The following MAP1LC3C variants were observed in gnomAD, a reference collection of about 807,000 sequenced individuals.
MAP1LC3C encodes the protein microtubule associated protein 1 light chain 3 gamma.
A neutral mutation model predicts 10.4 loss-of-function variants in MAP1LC3C; 12 were observed. The observed-to-expected ratio is 1.15, with a 90% CI of 0.74 to 1.86. The LOEUF is 1.86. Among genes scored for constraint, MAP1LC3C ranks in the 40% most tolerant of loss-of-function variants. The pLI, the probability that MAP1LC3C is intolerant of heterozygous loss-of-function variation, is 0.00. For missense variants in MAP1LC3C, 177 were observed against 185.7 expected, an observed-to-expected ratio of 0.95 and a Z score of 0.27; for synonymous variants, 70 against 69.0, an observed-to-expected ratio of 1.01 and a Z score of -0.07.
Position 241,996,436 on chromosome 1 carries a change from G to T in MAP1LC3C, c.222-51C>A, listed in dbSNP as rs188345117. 1.4e-4 allele frequency: 207 copies of T among 1,454,768 alleles called. 1 individual carries two copies. The African/African-American group carries it at 2.7e-3, about 19-fold the overall frequency. 90.1% of individuals were successfully genotyped at this position (1,454,768 alleles called of 1,614,324 possible). Reference sequence around the variant, plus strand: ...GGTATGGCCTGCGAGACAGCCCAGGGATCTGCAGCCTCATGACACTCAAGA... The same window carrying T: ...GGTATGGCCTGCGAGACAGCCCAGGTATCTGCAGCCTCATGACACTCAAGA... On this transcript the variant is annotated intron_variant, in intron 3 of 3. Transcript: ENST00000357246.
At chr1:242,000,579 C>T (rs764434460), upstream of MAP1LC3C, among the ~76,000 whole-genome samples, 4 of 152,098 alleles carry the variant, frequency 2.6e-5, no homozygotes, top group South Asian at 4.1e-4. Flanking sequence ...TCAGGCTTCC[C>T]ACAGCCCCCG....
rs199508306 is a variant in MAP1LC3C, at chr1:241,998,746, C to T, written c.114+30G>A. 6.2e-6 allele frequency: 10 copies of T among 1,613,604 alleles called. 1 individual carries two copies. In the East Asian group the frequency reaches 1.3e-4, roughly 22 times the overall value. On this transcript the variant is annotated intron_variant, in intron 2 of 3. Transcript: ENST00000357246. The stretch of plus-strand genomic sequence containing the variant: ...ACAGGATCGGAACCCCACCCCCACG[C>T]CCCCCAGCGGAAGTCCAGTGGTGTC...
chr1:241,996,707 G>A (rs1015029731), intron 3 of MAP1LC3C, among the ~76,000 whole-genome samples: 25 of 151,862 alleles, frequency 1.6e-4, no homozygotes, highest in Non-Finnish European at 2.6e-4. Flanking sequence ...CAGCTCACGA[G>A]GTCAAGAAAT....
Position 241,998,770 on chromosome 1 carries a change from T to C in MAP1LC3C, c.114+6A>G. On this transcript the variant is annotated splice_donor_region_variant and intron_variant, in intron 2 of 3. Transcript: ENST00000357246. Reference sequence around the variant, plus strand: ...GCCCCCCAGCGGAAGTCCAGTGGTGTCTTACCGGGATTTTGTTGGGGAACT... The same window carrying C: ...GCCCCCCAGCGGAAGTCCAGTGGTGCCTTACCGGGATTTTGTTGGGGAACT... The C allele has an allele frequency of 6.2e-7, 1 of 1,613,792 alleles. No homozygotes were observed. Among genetic ancestry groups the C allele is most frequent in the Non-Finnish European group, 8.5e-7 (1 of 1,179,878 alleles).
intron 3 of MAP1LC3C, among the ~76,000 whole-genome samples, chr1:241,997,966 TTTG>T (rs1293007697): frequency 2.6e-5 from 4 of 152,088 alleles, no homozygotes; most frequent in African/African-American, 7.2e-5. Flanking sequence ...GCAGGTCTTT[TTTG>T]TTGTTGTCGT....
intron 2 of MAP1LC3C, 41 bp from the exon 3 acceptor site, chr1:241,998,661 A>T: frequency 1.2e-6 from 2 of 1,607,368 alleles, no homozygotes; most frequent in South Asian, 2.2e-5. Context: ...ACTCAGCGTG[A>T]GTGTTAGGAA....
upstream of MAP1LC3C, chr1:241,999,210 T>A (rs1665149884): frequency 4.8e-6 from 5 of 1,051,584 alleles, no homozygotes; most frequent in African/African-American, 1.6e-5. Context: ...TCAGTTCTGA[T>A]GGAAATGGAA....
At chr1:242,000,096 C>A (rs187820198), upstream of MAP1LC3C, among the ~76,000 whole-genome samples, 14 of 152,254 alleles carry the variant, frequency 9.2e-5, no homozygotes, top group East Asian at 1.9e-3. Flanking sequence ...CGAGCAATCA[C>A]TTCTACAGTG....
At chr1:241,996,476 C>T (rs920125524) in intron 3 of MAP1LC3C, 91 bp from the exon 4 acceptor site, 2 of 1,034,974 alleles carry the variant, frequency 1.9e-6, no homozygotes, top group South Asian at 1.6e-5. Context: ...TGAATTGCTC[C>T]CTTCTTCTTC....
At position 241,996,378 on chromosome 1, in the gene MAP1LC3C, T is replaced by C. The variant is rs1665086007; in HGVS notation, c.229A>G (p.Met77Val). The C allele has an allele frequency of 1.2e-6, 2 of 1,613,730 alleles. No individual in the cohort carries two copies. Among genetic ancestry groups the C allele is most frequent in the Non-Finnish European group, 1.7e-6 (2 of 1,179,878 alleles). The change falls in exon 4 of 4, where the codon ATG becomes GTG. Residue 77 changes from methionine to valine, a missense_variant. Transcript: ENST00000357246. ...AAGGCTTCCGTGGCTCTCAGGACCA[T>C]GCGGCTCCTGGGATGGGCAGGAGGG... ...TQFLSIIRSR[M>V]VLRATEAFYL...
At position 241,998,021 on chromosome 1, in the gene MAP1LC3C, CTTTTTTTT is replaced by C. The variant is rs58237405; in HGVS notation, c.221+485_221+492del. Reference sequence around the variant, plus strand: ...CTTACCTGTTTAAAATAGAGTAATTCTTTTTTTTTTTTTTTTTTTTTTGAGACAGAGTT... The same window carrying C: ...CTTACCTGTTTAAAATAGAGTAATTCTTTTTTTTTTTTTTGAGACAGAGTT... On this transcript the variant is annotated intron_variant, in intron 3 of 3. Transcript: ENST00000357246. Among the ~76,000 whole-genome samples, 15 of 95,414 alleles carry C rather than the reference CTTTTTTTT, an allele frequency of 1.6e-4. 1 individual carries two copies. The South Asian group carries it at 1.8e-3, about 12-fold the overall frequency. 62.6% of individuals were successfully genotyped at this position (95,414 alleles called of 152,430 possible).
upstream of MAP1LC3C, among the ~76,000 whole-genome samples, chr1:241,999,328 G>A (rs1158405261): frequency 1.3e-5 from 2 of 152,138 alleles, no homozygotes; most frequent in African/African-American, 4.8e-5. Flanking sequence ...GCTGGGCAGC[G>A]GACTGTGGAG....
intron 3 of MAP1LC3C, among the ~76,000 whole-genome samples, chr1:241,997,808 C>G (rs1252053666): frequency 6.6e-6 from 1 of 152,044 alleles, no homozygotes; most frequent in African/African-American, 2.4e-5. Flanking sequence ...GAGAAGTCCC[C>G]ACCCCTAGGC....
At chr1:242,000,704 T>C (rs1665180275), upstream of MAP1LC3C, among the ~76,000 whole-genome samples, 1 of 152,064 alleles carries the variant, frequency 6.6e-6, no homozygotes, top group South Asian at 2.1e-4. Context: ...TAGCGAGGTA[T>C]GGGGGAAGGG....
Position 241,996,155 on chromosome 1 carries a change from G to A in MAP1LC3C, c.*8C>T, listed in dbSNP as rs28605139. 3.3e-5 allele frequency: 53 copies of A among 1,608,812 alleles called. 1 individual carries two copies. In the East Asian group the frequency reaches 9.4e-4, roughly 28 times the overall value. On this transcript the variant is annotated 3_prime_UTR_variant, in exon 4 of 4. Coordinates refer to ENST00000357246, the MANE Select transcript of MAP1LC3C (RefSeq NM_001004343.3). ...GTCTGTCAGAGCACACATCCTTCCC[G>A]ACATGGGCTAGAGAGGATTGCAGGG... is the stretch of plus-strand genomic sequence containing the variant.
chr1:241,998,541 G>A lies in MAP1LC3C; in HGVS notation c.194C>T (p.Thr65Ile), dbSNP rs754764588. The change falls in exon 3 of 4, where the codon ACC (threonine) becomes ATC (isoleucine). Residue 65 changes from threonine (T) to isoleucine (I), a missense_variant. Thr to Ile is a moderately conservative substitution (Grantham distance 89, BLOSUM62 -1). Transcript: ENST00000357246. ...KTKFLVPQEL[T>I]MTQFLSIIRS... ...GATGATGCTGAGGAACTGGGTCATG[G>A]TCAGCTCCTGCGGGACCAGGAACTT... is the stretch of plus-strand genomic sequence containing the variant. 2 of 1,614,086 alleles carry A rather than the reference G, an allele frequency of 1.2e-6. No individual in the cohort carries two copies. Among genetic ancestry groups the A allele is most frequent in the East Asian group, 2.2e-5 (1 of 44,870 alleles).
At position 241,997,844 on chromosome 1, in the gene MAP1LC3C, G is replaced by C. The variant is rs78541500; in HGVS notation, c.221+670C>G. ...ACACATACACTTGGAAAAGGTGCTG[G>C]TCTCTGCAACGGACGCGCAGACTCG... On this transcript the variant is annotated intron_variant, in intron 3 of 3. Coordinates refer to ENST00000357246, the MANE Select transcript of MAP1LC3C (RefSeq NM_001004343.3). 2.2e-3 allele frequency among the ~76,000 whole-genome samples: 327 copies of C among 152,058 alleles called. 2 individuals carry two copies. The highest frequency in any genetic ancestry group is 7.4e-3 in the African/African-American group (309 of 41,484).
chr1:241,999,090 T>C lies in MAP1LC3C; in HGVS notation c.-82A>G. ...GAACCTAACTCATTCCTCCAGCTGC[T>C]TCCAAACTGCCTGCAGGAGCCTGAA... is the stretch of plus-strand genomic sequence containing the variant. On this transcript the variant is annotated 5_prime_UTR_variant, in exon 1 of 4. Transcript: ENST00000357246. 3 of 1,517,156 alleles carry C rather than the reference T, an allele frequency of 2.0e-6. No individual in the cohort carries two copies. The highest frequency in any genetic ancestry group is 2.6e-6 in the Non-Finnish European group (3 of 1,144,254). The allele number at this position is 1,517,156 out of a possible 1,614,324, so 94.0% of individuals were successfully genotyped here.
At chr1:242,000,611 T>G (rs184579789), upstream of MAP1LC3C, among the ~76,000 whole-genome samples, 168 of 152,236 alleles carry the variant, frequency 1.1e-3, no homozygotes, top group Non-Finnish European at 1.8e-3. Context: ...ATTAATTGGC[T>G]AGAATGACTC....
Sources: allele counts gnomAD v4.1 joint callset (sites outside exome capture counted in the v4.1 genomes callset), GRCh38; gene constraint gnomAD v4.1.1; transcripts MANE v1.5; gene names NCBI Gene and HGNC (gene_info 2026-07-23, HGNC 2026-07-21).